SPATA16: variants seen among roughly 807,000 people sequenced by gnomAD.
The protein encoded by SPATA16 is spermatogenesis associated 16.
SPATA16 carries 36 observed loss-of-function variants against 63.3 expected under a neutral mutation model. The observed-to-expected ratio is 0.57, with a 90% CI of 0.44 to 0.75. The LOEUF (loss-of-function observed/expected upper bound fraction) is 0.75, where lower values mean the gene tolerates loss of function less well. SPATA16 is among the 30% of genes least tolerant of loss of function. The pLI, the probability that SPATA16 is intolerant of heterozygous loss-of-function variation, is 0.00. For missense variants in SPATA16, 646 were observed against 679.3 expected (o/e 0.95, Z 0.54); for synonymous variants, 203 against 216.7 (o/e 0.94, Z 0.56).
At chr3:173,101,575 G>T (rs1737494624) in intron 2 of SPATA16, among the ~76,000 whole-genome samples, 1 of 152,016 alleles carries the variant, frequency 6.6e-6, no homozygotes, top group Non-Finnish European at 1.5e-5. Flanking sequence ...CATTTACTAA[G>T]ACTTGACACC....
chr3:173,096,629 G>A (rs1489876076), intron 2 of SPATA16, among the ~76,000 whole-genome samples: 1 of 152,056 alleles, frequency 6.6e-6, no homozygotes, highest in Non-Finnish European at 1.5e-5. Flanking sequence ...GAGAATAAAG[G>A]AAAATAGACC....
At chr3:173,134,488 C>CACAA (rs1553807584) in intron 1 of SPATA16, among the ~76,000 whole-genome samples, 2 of 145,336 alleles carry the variant, frequency 1.4e-5, no homozygotes, top group African/African-American at 5.2e-5. Context: ...GACTCTGCCT[C>CACAA]AAAAAAGAAA....
chr3:172,998,561 G>A (rs1025238185), intron 4 of SPATA16, among the ~76,000 whole-genome samples: 2 of 152,078 alleles, frequency 1.3e-5, no homozygotes, highest in South Asian at 4.1e-4. Context: ...TATTAGCTAA[G>A]ACTTCCAGTG....
intron 10 of SPATA16, among the ~76,000 whole-genome samples, chr3:172,896,299 C>A (rs960312026): frequency 1.3e-5 from 2 of 152,220 alleles, no homozygotes; most frequent in African/African-American, 2.4e-5. Flanking sequence ...CGGCTCACTG[C>A]AAGCTCCGCC....
intron 4 of SPATA16, among the ~76,000 whole-genome samples, chr3:172,980,345 G>C (rs1734271220): frequency 6.6e-6 from 1 of 152,024 alleles, no homozygotes; most frequent in African/African-American, 2.4e-5. Context: ...TTCTCCTTCA[G>C]GTATCTCTCT....
intron 3 of SPATA16, among the ~76,000 whole-genome samples, chr3:173,047,265 G>GAATT (rs1560106175): frequency 6.7e-6 from 1 of 149,448 alleles, no homozygotes; most frequent in Non-Finnish European, 1.5e-5. Flanking sequence ...TAATAACATT[G>GAATT]AATTAATTAC....
rs1360192956 is a variant in SPATA16 at position 172,941,079 on chromosome 3, T to G, written c.1082-15587A>C. ...AAAAACAATTACTGGAATGAAAATC[T>G]TGAATCTATTAAGGAGTGATCTAGA... On this transcript the variant is annotated intron_variant, in intron 6 of 10. Coordinates refer to ENST00000351008, the MANE Select transcript of SPATA16 (RefSeq NM_031955.6). Among the ~76,000 whole-genome samples, 3 of 152,102 alleles carry G rather than the reference T, an allele frequency of 2.0e-5. No individual in the cohort carries two copies. In the East Asian group the frequency reaches 5.8e-4, roughly 29 times the overall value.
intron 9 of SPATA16, 42 bp from the exon 10 acceptor site, chr3:172,913,786 A>T: frequency 1.3e-6 from 2 of 1,521,030 alleles, no homozygotes; most frequent in Non-Finnish European, 1.8e-6. Flanking sequence ...GAATTCACAC[A>T]GAAATAACTT....
At chr3:172,979,010 G>A (rs1273047686) in intron 4 of SPATA16, among the ~76,000 whole-genome samples, 2 of 152,152 alleles carry the variant, frequency 1.3e-5, no homozygotes, top group East Asian at 1.9e-4. Flanking sequence ...GGCCGAGGTC[G>A]GCGGATCATG....
Position 173,068,571 on chromosome 3 carries a change from C to T in SPATA16, c.613-19477G>A, listed in dbSNP as rs147149382. On this transcript the variant is annotated intron_variant, in intron 2 of 10. Coordinates refer to ENST00000351008, the MANE Select transcript of SPATA16 (RefSeq NM_031955.6). ...ACAATACAAACAAATGGAAATTAAA[C>T]AATATGCTCCTGAATGACCAGGGGG... 3.6e-3 allele frequency among the ~76,000 whole-genome samples: 551 copies of T among 151,992 alleles called. 4 individuals carry two copies. The highest frequency in any genetic ancestry group is 0.013 in the African/African-American group (530 of 41,474).
At chr3:173,069,305 T>G (rs542896712) in intron 2 of SPATA16, among the ~76,000 whole-genome samples, 1 of 151,342 alleles carries the variant, frequency 6.6e-6, no homozygotes, top group Non-Finnish European at 1.5e-5. Context: ...AAGGAGACAA[T>G]GTAACTGATA....
intron 6 of SPATA16, among the ~76,000 whole-genome samples, chr3:172,930,306 CAATCTAGCCAT>C (rs1371105012): frequency 6.6e-6 from 1 of 152,218 alleles, no homozygotes; most frequent in Non-Finnish European, 1.5e-5. Flanking sequence ...ATCTGCTTCA[CAATCTAGCCAT>C]GATTCTTACA....
intron 5 of SPATA16, among the ~76,000 whole-genome samples, chr3:172,974,500 C>T (rs1455313054): frequency 6.6e-6 from 1 of 151,790 alleles, no homozygotes; most frequent in East Asian, 1.9e-4. Flanking sequence ...GGGTTTAAAA[C>T]CCCCTTCTGA....
At chr3:173,079,752 A>C (rs1489966076) in intron 2 of SPATA16, among the ~76,000 whole-genome samples, 2 of 152,268 alleles carry the variant, frequency 1.3e-5, no homozygotes, top group East Asian at 1.9e-4. Context: ...ACATACTACA[A>C]ATCAACAAAG....
At chr3:173,044,713 G>T (rs1306421133) in intron 3 of SPATA16, among the ~76,000 whole-genome samples, 1 of 152,126 alleles carries the variant, frequency 6.6e-6, no homozygotes, top group Non-Finnish European at 1.5e-5. Flanking sequence ...GTGAGACTTT[G>T]TGGGGAATCT....
At chr3:173,074,175 G>T (rs1024977411) in intron 2 of SPATA16, among the ~76,000 whole-genome samples, 1 of 152,186 alleles carries the variant, frequency 6.6e-6, no homozygotes, top group East Asian at 1.9e-4. Context: ...GGTGGAAGGG[G>T]CTTGCCTTGT....
chr3:172,960,482 C>T (rs1733723607), intron 5 of SPATA16, among the ~76,000 whole-genome samples: 1 of 152,192 alleles, frequency 6.6e-6, no homozygotes, highest in Non-Finnish European at 1.5e-5. Context: ...TTGTAAAGCT[C>T]ATAATTTAGT....
chr3:172,939,544 G>A (rs555283146), intron 6 of SPATA16, among the ~76,000 whole-genome samples: 1 of 152,270 alleles, frequency 6.6e-6, no homozygotes, highest in Admixed American at 6.5e-5. Flanking sequence ...AAAGGTTATG[G>A]AATTTTTTGA....
intron 2 of SPATA16, among the ~76,000 whole-genome samples, chr3:173,066,414 C>T (rs1041314151): frequency 5.9e-5 from 9 of 152,252 alleles, no homozygotes; most frequent in East Asian, 5.8e-4. Context: ...ATGATGGCCT[C>T]GGGAGTGCCT....
Sources: allele counts gnomAD v4.1 joint callset (sites outside exome capture counted in the v4.1 genomes callset), GRCh38; gene constraint gnomAD v4.1.1; transcripts MANE v1.5; gene names NCBI Gene and HGNC (gene_info 2026-07-23, HGNC 2026-07-21).